Variants in TANC2 observed in about 807,000 individuals in gnomAD.
TANC2 encodes the protein protein TANC2.
TANC2 carries 26 observed loss-of-function variants against 210.5 expected under a neutral mutation model. That is an observed-to-expected ratio of 0.12 (90% confidence interval 0.09 to 0.17). The LOEUF (loss-of-function observed/expected upper bound fraction) is 0.17, where lower values mean the gene tolerates loss of function less well. Ranked by LOEUF, TANC2 falls within the 10% of genes least tolerant of loss-of-function variation. The pLI is 1.00. For missense variants in TANC2, 2,129 were observed against 2,608.9 expected (o/e 0.82, Z 4.01); for synonymous variants, 931 against 967.1 (o/e 0.96, Z 0.69).
chr17:63,143,610 T>A (rs2039365265), intron 4 of TANC2, among the ~76,000 whole-genome samples: 1 of 152,190 alleles, frequency 6.6e-6, no homozygotes, highest in South Asian at 2.1e-4. Context: ...TGTTTTGAAA[T>A]TGTTACCTGC....
chr17:63,419,336 T>A (rs2048955967), intron 27 of TANC2, among the ~76,000 whole-genome samples: 1 of 152,206 alleles, frequency 6.6e-6, no homozygotes, highest in African/African-American at 2.4e-5. Flanking sequence ...TCAGGTGATA[T>A]TAGTAGAGAA....
chr17:63,073,168 C>T (rs1450686456), intron 2 of TANC2, among the ~76,000 whole-genome samples: 1 of 151,830 alleles, frequency 6.6e-6, no homozygotes, highest in African/African-American at 2.4e-5. Context: ...AAAGATTTTG[C>T]TTGGTTTAGT....
intron 14 of TANC2, among the ~76,000 whole-genome samples, chr17:63,358,415 G>GTGTA (rs2046853660): frequency 6.9e-6 from 1 of 144,166 alleles, no homozygotes; most frequent in Non-Finnish European, 1.5e-5. Flanking sequence ...GTGTGTGTAT[G>GTGTA]TGTGTGTGTA....
intron 4 of TANC2, among the ~76,000 whole-genome samples, chr17:63,132,586 A>G (rs1339150366): frequency 6.6e-6 from 1 of 152,158 alleles, no homozygotes; most frequent in Non-Finnish European, 1.5e-5. Flanking sequence ...AGAGCTTTCT[A>G]TACCCTGTTT....
At chr17:63,394,461 C>T (rs1453856795) in intron 17 of TANC2, among the ~76,000 whole-genome samples, 2 of 152,186 alleles carry the variant, frequency 1.3e-5, no homozygotes, top group East Asian at 3.9e-4. Flanking sequence ...GCCATGGTTT[C>T]TTTTATCCAT....
At chr17:63,102,297 A>C (rs1050976256) in intron 4 of TANC2, among the ~76,000 whole-genome samples, 1 of 151,938 alleles carries the variant, frequency 6.6e-6, no homozygotes, top group Non-Finnish European at 1.5e-5. Flanking sequence ...GAAACAGAAC[A>C]AGCAAGACCC....
intron 5 of TANC2, among the ~76,000 whole-genome samples, chr17:63,181,399 G>A (rs1479373867): frequency 1.3e-5 from 2 of 152,106 alleles, no homozygotes; most frequent in Non-Finnish European, 2.9e-5. Flanking sequence ...CTCAACTTTG[G>A]GGCCTATAGG....
chr17:63,081,235 C>T lies in TANC2; in HGVS notation c.139+7221C>T, dbSNP rs79249933. Among the ~76,000 whole-genome samples the T allele has an allele frequency of 4.6e-5, 7 of 152,160 alleles. No homozygotes were observed. In the East Asian group the frequency reaches 1.4e-3, roughly 29 times the overall value. ...AGATGCCTTTTGGAATACGTAGCCCCAACTTGAGGCCAATAATTCATTATT... is the reference window on the plus strand; with the variant it reads ...AGATGCCTTTTGGAATACGTAGCCCTAACTTGAGGCCAATAATTCATTATT... On this transcript the variant is annotated intron_variant, in intron 3 of 27. Transcript: ENST00000689528.
intron 4 of TANC2, among the ~76,000 whole-genome samples, chr17:63,100,943 A>G (rs2144918338): frequency 6.6e-6 from 1 of 152,264 alleles, no homozygotes; most frequent in Admixed American, 6.5e-5. Flanking sequence ...AGCTTCTGTA[A>G]TTTCTCATAG....
intron 4 of TANC2, among the ~76,000 whole-genome samples, chr17:63,105,513 G>T (rs1249624119): frequency 6.6e-6 from 1 of 151,568 alleles, no homozygotes; most frequent in East Asian, 1.9e-4. Context: ...TACTTATCCT[G>T]CAATTTTTGA....
exon 28 of TANC2, chr17:63,423,093 G>A (rs2049063995): frequency 6.6e-6 from 1 of 152,210 alleles, no homozygotes; most frequent in South Asian, 2.1e-4. Context: ...TTCCACCCAG[G>A]GTCATGCCCG....
At chr17:63,173,075 A>G (rs1269344801) in intron 5 of TANC2, among the ~76,000 whole-genome samples, 1 of 152,252 alleles carries the variant, frequency 6.6e-6, no homozygotes, top group Admixed American at 6.5e-5. Flanking sequence ...ACCACCTAAG[A>G]TCAATCAGTG....
In TANC2 at chr17:63,412,335, G is replaced by A. The variant is rs1319495276; in HGVS notation, c.3898+205G>A. ...TGCAGTCCCCTGTGTCCAGAACCAC[G>A]TGGTTCTCTACCATGTCCCTTGTAG... On this transcript the variant is annotated intron_variant, in intron 23 of 27. Transcript: ENST00000689528. This position sits in a 1 kb window ranked among gnomAD's most constrained non-coding sequence, Gnocchi z 4.2. 6.6e-6 allele frequency among the ~76,000 whole-genome samples: 1 copy of A among 152,202 alleles called. No individual in the cohort carries two copies. The highest frequency in any genetic ancestry group is 1.5e-5 in the Non-Finnish European group (1 of 68,034).
At chr17:63,057,298 G>T (rs916549698) in intron 2 of TANC2, among the ~76,000 whole-genome samples, 1 of 152,106 alleles carries the variant, frequency 6.6e-6, no homozygotes, top group African/African-American at 2.4e-5. Flanking sequence ...ATGATCACAA[G>T]GAAGGAAAAT....
intron 7 of TANC2, among the ~76,000 whole-genome samples, chr17:63,208,839 T>G (rs562710633): frequency 4.6e-5 from 7 of 152,326 alleles, no homozygotes; most frequent in Middle Eastern, 3.4e-3. Context: ...TGTAGAGATT[T>G]GTGTATTGTA....
intron 6 of TANC2, among the ~76,000 whole-genome samples, chr17:63,198,193 C>CTT (rs1047749763): frequency 6.8e-6 from 1 of 148,000 alleles, no homozygotes. Context: ...AACTTTTCTT[C>CTT]TTTTTTTTTT....
rs532291073 is a variant in TANC2, at chr17:63,207,351, G to T, written c.769+6394G>T. On this transcript the variant is annotated intron_variant, in intron 7 of 27. Transcript: ENST00000689528. ...CTGCCTCAGCCTCCCGAGTAGCTGG[G>T]ACTACAGGCACCCGCCACCACGCTT... Among the ~76,000 whole-genome samples the T allele has an allele frequency of 1.1e-3, 162 of 151,528 alleles. 1 individual carries two copies. The highest frequency in any genetic ancestry group is 3.9e-3 in the African/African-American group (162 of 41,304).
intron 5 of TANC2, 35 bp from the exon 6 acceptor site, chr17:63,193,956 A>T: frequency 6.3e-7 from 1 of 1,580,216 alleles, no homozygotes; most frequent in Non-Finnish European, 8.6e-7. Flanking sequence ...TTTTATTTTG[A>T]AAGATTCATG....
chr17:63,386,104 C>T, intron 15 of TANC2, among the ~76,000 whole-genome samples: 1 of 152,106 alleles, frequency 6.6e-6, no homozygotes. Flanking sequence ...CTTCTTGAGG[C>T]ATATTCTATA....
Sources: allele counts gnomAD v4.1 joint callset (sites outside exome capture counted in the v4.1 genomes callset), GRCh38; gene constraint gnomAD v4.1.1; non-coding constraint Gnocchi (gnomAD v3.1); transcripts MANE v1.5; gene names NCBI Gene and HGNC (gene_info 2026-07-23, HGNC 2026-07-21).